TAFA1: variants seen among roughly 807,000 people sequenced by gnomAD.
The protein encoded by TAFA1 is chemokine-like protein TAFA-1.
In TAFA1, 4 loss-of-function variants were observed where a neutral mutation model predicts 18.5. That is an observed-to-expected ratio of 0.22 (90% CI 0.11 to 0.49). TAFA1 has a LOEUF of 0.49. Ranked by LOEUF, TAFA1 falls within the 20% of genes least tolerant of loss-of-function variation. TAFA1 has a pLI of 0.98. For missense variants in TAFA1, 147 were observed against 169.0 expected (o/e 0.87, Z 0.72); for synonymous variants, 56 against 55.2 (o/e 1.01, Z -0.06).
At chr3:68,403,545 C>G (rs2070537505) in intron 2 of TAFA1, among the ~76,000 whole-genome samples, 1 of 152,184 alleles carries the variant, frequency 6.6e-6, no homozygotes, top group Admixed American at 6.5e-5. Flanking sequence ...TGATCTTCAC[C>G]TTTGAAATGG....
intron 3 of TAFA1, among the ~76,000 whole-genome samples, chr3:68,524,742 C>T (rs1170619253): frequency 6.6e-6 from 1 of 151,986 alleles, no homozygotes; most frequent in East Asian, 1.9e-4. Context: ...GCGATCTCGG[C>T]TCACTGCAAG....
chr3:68,120,265 T>TTTCTTTCTTTCTTTCTTTC (rs1559527733), intron 2 of TAFA1, among the ~76,000 whole-genome samples: 2 of 135,426 alleles, frequency 1.5e-5, no homozygotes, highest in African/African-American at 5.8e-5. Flanking sequence ...TTCTTTCTTT[T>TTTCTTTCTTTCTTTCTTTC]TTGAGACAGA....
chr3:68,109,840 A>G (rs757045906), intron 2 of TAFA1, among the ~76,000 whole-genome samples: 10 of 152,234 alleles, frequency 6.6e-5, no homozygotes, highest in Non-Finnish European at 1.0e-4. Context: ...GAGTACCAGA[A>G]TAAGAAGTCT....
At chr3:68,130,445 C>G (rs140117025) in intron 2 of TAFA1, among the ~76,000 whole-genome samples, 88 of 152,244 alleles carry the variant, frequency 5.8e-4, no homozygotes, top group African/African-American at 2.0e-3. Context: ...ACCTCCCAGG[C>G]TTCCACAGCA....
At chr3:68,216,588 T>G (rs1302608408) in intron 2 of TAFA1, among the ~76,000 whole-genome samples, 1 of 152,076 alleles carries the variant, frequency 6.6e-6, no homozygotes, top group African/African-American at 2.4e-5. Flanking sequence ...TTCCTTGACA[T>G]AGCAGTGAGC....
At chr3:68,490,865 G>T (rs1314315830) in intron 3 of TAFA1, among the ~76,000 whole-genome samples, 8 of 150,736 alleles carry the variant, frequency 5.3e-5, no homozygotes, top group African/African-American at 1.9e-4. Flanking sequence ...GGGGGACAGG[G>T]TCTTACTCTG....
intron 2 of TAFA1, among the ~76,000 whole-genome samples, chr3:68,287,904 T>G (rs2068039985): frequency 1.3e-5 from 1 of 74,732 alleles, no homozygotes; most frequent in African/African-American, 4.4e-5. Context: ...TTTTTGTTTT[T>G]GTTGGGGGGT....
chr3:68,015,097 C>A (rs145400142), intron 2 of TAFA1, among the ~76,000 whole-genome samples: 13 of 152,236 alleles, frequency 8.5e-5, no homozygotes, highest in African/African-American at 2.4e-4. Flanking sequence ...TTTTGACCTA[C>A]TTTAAAAATA....
At chr3:68,265,059 A>G (rs1559587926) in intron 2 of TAFA1, among the ~76,000 whole-genome samples, 1 of 152,198 alleles carries the variant, frequency 6.6e-6, no homozygotes, top group African/African-American at 2.4e-5. Context: ...CTCATATACA[A>G]TTTTGCTGGC....
At chr3:68,288,717 G>A (rs1318345707) in intron 2 of TAFA1, among the ~76,000 whole-genome samples, 3 of 152,156 alleles carry the variant, frequency 2.0e-5, no homozygotes, top group African/African-American at 7.2e-5. Context: ...ACATAACAGT[G>A]AGAACTCCAT....
chr3:68,298,628 C>G (rs2068253015), intron 2 of TAFA1, among the ~76,000 whole-genome samples: 1 of 152,090 alleles, frequency 6.6e-6, no homozygotes, highest in Non-Finnish European at 1.5e-5. Flanking sequence ...GGTGTTTTCC[C>G]CTGTGCTCTT....
intron 3 of TAFA1, among the ~76,000 whole-genome samples, chr3:68,424,434 G>T (rs2071016704): frequency 6.6e-6 from 1 of 151,908 alleles, no homozygotes; most frequent in African/African-American, 2.4e-5. Context: ...AGAACTGTTT[G>T]TATTCAGTCT....
chr3:68,075,483 AT>A lies in TAFA1; in HGVS notation c.118+68743del, dbSNP rs1431925290. ...TAATGAATTGCTTTCATTTTACACC[AT>A]TTTAAACCCCAATGACTTTAACAAG... On this transcript the variant is annotated intron_variant, in intron 2 of 4. Coordinates refer to ENST00000478136, the MANE Select transcript of TAFA1 (RefSeq NM_213609.4). 2.0e-5 allele frequency among the ~76,000 whole-genome samples: 3 copies of A among 152,286 alleles called. No individual in the cohort carries two copies. The South Asian group carries it at 6.2e-4, about 32-fold the overall frequency.
intron 3 of TAFA1, among the ~76,000 whole-genome samples, chr3:68,485,948 A>T (rs74509332): frequency 0.028 from 4,211 of 152,082 alleles, 193 homozygotes; most frequent in African/African-American, 0.095. Context: ...TTATTTTTTT[A>T]AAATGTGTTC....
intron 3 of TAFA1, among the ~76,000 whole-genome samples, chr3:68,427,751 A>G (rs528238515): frequency 7.2e-5 from 11 of 152,028 alleles, no homozygotes; most frequent in African/African-American, 2.4e-4. Context: ...TATAGCTCCC[A>G]TAATCCCCAC....
At chr3:68,191,520 A>G (rs925788421) in intron 2 of TAFA1, among the ~76,000 whole-genome samples, 1 of 151,766 alleles carries the variant, frequency 6.6e-6, no homozygotes, top group Non-Finnish European at 1.5e-5. Flanking sequence ...TAATGTCTCT[A>G]TTGGTTTGGC....
At chr3:68,377,258 G>A (rs573072186) in intron 2 of TAFA1, among the ~76,000 whole-genome samples, 41 of 152,322 alleles carry the variant, frequency 2.7e-4, no homozygotes, top group African/African-American at 9.4e-4. Flanking sequence ...GAAGAAGAAA[G>A]TAGGATGTGG....
chr3:68,218,066 C>A (rs115775681), intron 2 of TAFA1, among the ~76,000 whole-genome samples: 5 of 152,036 alleles, frequency 3.3e-5, no homozygotes, highest in Admixed American at 2.0e-4. Flanking sequence ...TGGATCTTTA[C>A]ACAATATGTT....
intron 2 of TAFA1, among the ~76,000 whole-genome samples, chr3:68,231,994 T>G (rs923179050): frequency 2.2e-4 from 34 of 152,218 alleles, no homozygotes; most frequent in African/African-American, 8.0e-4. Context: ...TTGATGCAAG[T>G]GTACAGTATG....
Sources: allele counts gnomAD v4.1 joint callset (sites outside exome capture counted in the v4.1 genomes callset), GRCh38; gene constraint gnomAD v4.1.1; transcripts MANE v1.5; gene names NCBI Gene and HGNC (gene_info 2026-07-23, HGNC 2026-07-21).